Variants in SHROOM4 observed in about 807,000 individuals in gnomAD.
SHROOM4 encodes protein Shroom4.
In SHROOM4, 17 loss-of-function variants were observed where a neutral mutation model predicts 80.3. That is an observed-to-expected ratio of 0.21 (90% CI 0.14 to 0.32). The LOEUF (loss-of-function observed/expected upper bound fraction) is 0.32. Ranked by LOEUF, SHROOM4 falls within the 10% of genes least tolerant of loss-of-function variation. The pLI, the probability that SHROOM4 is intolerant of heterozygous loss-of-function variation, is 1.00. For missense variants in SHROOM4, 993 were observed against 1,140.3 expected (o/e 0.87, Z 1.86); for synonymous variants, 400 against 437.5 (o/e 0.91, Z 1.07).
intron 1 of SHROOM4, among the ~76,000 whole-genome samples, chrX:50,753,932 T>G (rs1041177118): frequency 1.8e-5 from 2 of 111,837 alleles, no homozygotes; most frequent in Non-Finnish European, 3.8e-5. Context: ...ACTTAAGCTC[T>G]CCAGGCCAAA....
In SHROOM4 at chrX:50,591,420, CT is replaced by C. The variant is rs1928872643; in HGVS notation, c.*5274del. 9.0e-6 allele frequency among the ~76,000 whole-genome samples: 1 copy of C among 111,477 alleles called. No homozygotes were observed. Among genetic ancestry groups the C allele is most frequent in the Non-Finnish European group, 1.9e-5 (1 of 53,127 alleles). Reference sequence around the variant, plus strand: ...ATGAATTTTAGAATCAGCTTGTAAACTTACACAAGGAAGCCACTGGAATTCT... The same window carrying C: ...ATGAATTTTAGAATCAGCTTGTAAACTACACAAGGAAGCCACTGGAATTCT... On this transcript the variant is annotated 3_prime_UTR_variant, in exon 9 of 9. Coordinates refer to ENST00000376020, the MANE Select transcript of SHROOM4 (RefSeq NM_020717.5).
At chrX:50,675,335 A>C (rs1932841510) in intron 2 of SHROOM4, among the ~76,000 whole-genome samples, 1 of 111,733 alleles carries the variant, frequency 8.9e-6, no homozygotes, top group Non-Finnish European at 1.9e-5. Context: ...CCCTGAACTT[A>C]CAATAAAAGT....
chrX:50,776,053 G>T (rs1935498436), intron 1 of SHROOM4, among the ~76,000 whole-genome samples: 1 of 111,720 alleles, frequency 9.0e-6, no homozygotes, highest in Admixed American at 9.5e-5. Flanking sequence ...TCCAGCCTTT[G>T]AGCCAGATGT....
intron 7 of SHROOM4, among the ~76,000 whole-genome samples, chrX:50,599,681 C>A (rs1161260703): frequency 9.0e-6 from 1 of 111,620 alleles, no homozygotes; most frequent in African/African-American, 3.3e-5. Flanking sequence ...TCCTGAGTAG[C>A]TTATGCAGTT....
intron 2 of SHROOM4, among the ~76,000 whole-genome samples, chrX:50,689,181 T>A: frequency 9.0e-6 from 1 of 111,626 alleles, no homozygotes; most frequent in Non-Finnish European, 1.9e-5. Flanking sequence ...AAAACCACTA[T>A]GTACCCCATA....
At chrX:50,781,381 G>A (rs1287559160) in intron 1 of SHROOM4, among the ~76,000 whole-genome samples, 1 of 110,390 alleles carries the variant, frequency 9.1e-6, no homozygotes, top group African/African-American at 3.3e-5. Flanking sequence ...ACAAATGTTG[G>A]AACCAGAAGT....
chrX:50,585,726 A>G (rs1928746565), downstream of SHROOM4, among the ~76,000 whole-genome samples: 3 of 111,619 alleles, frequency 2.7e-5, no homozygotes, highest in Admixed American at 9.5e-5. Flanking sequence ...ACAGAGTGAG[A>G]AGGGCAGAAC....
rs781895194 is a variant in SHROOM4, at chrX:50,632,416, T to C, written c.2895+762A>G. On this transcript the variant is annotated intron_variant, in intron 4 of 8. Transcript: ENST00000376020. ...CCAAAAGATGGCATCAGGGATGCCA[T>C]GGGGAAGTAATCTGGCAGTGAGTAG... 5.4e-5 allele frequency among the ~76,000 whole-genome samples: 6 copies of C among 111,791 alleles called. No homozygotes were observed. In the East Asian group the frequency reaches 1.1e-3, roughly 21 times the overall value.
chrX:50,735,210 C>T (rs1934458750), intron 1 of SHROOM4, among the ~76,000 whole-genome samples: 1 of 111,707 alleles, frequency 9.0e-6, no homozygotes, highest in Admixed American at 9.6e-5. Context: ...GACAAGGGTG[C>T]CAAGACAATT....
chrX:50,610,333 TTCTC>T (rs781880088), intron 5 of SHROOM4, among the ~76,000 whole-genome samples: 1 of 92,665 alleles, frequency 1.1e-5, no homozygotes, highest in African/African-American at 4.4e-5. Context: ...ACCTGGCATA[TTCTC>T]TCTCTCTCTC....
chrX:50,735,797 G>A (rs1934472368), intron 1 of SHROOM4, among the ~76,000 whole-genome samples: 1 of 111,146 alleles, frequency 9.0e-6, no homozygotes, highest in African/African-American at 3.3e-5. Flanking sequence ...CACGAGGTCA[G>A]GAGTTTGAGA....
At chrX:50,707,952 C>T (rs1041950776) in intron 1 of SHROOM4, among the ~76,000 whole-genome samples, 3 of 111,529 alleles carry the variant, frequency 2.7e-5, no homozygotes, top group African/African-American at 9.8e-5. Flanking sequence ...ACCCTGCAGG[C>T]CAACTTAAGG....
intron 5 of SHROOM4, among the ~76,000 whole-genome samples, chrX:50,622,934 G>GC (rs1557252257): frequency 8.9e-6 from 1 of 112,178 alleles, no homozygotes; most frequent in African/African-American, 3.2e-5. Flanking sequence ...AACTTAGCTT[G>GC]CGTCAGAATT....
At chrX:50,738,142 A>C (rs1372680296) in intron 1 of SHROOM4, among the ~76,000 whole-genome samples, 1 of 111,171 alleles carries the variant, frequency 9.0e-6, no homozygotes, top group Non-Finnish European at 1.9e-5. Flanking sequence ...TTCATGCTAA[A>C]AATTCTCAAT....
chrX:50,716,355 A>T (rs2147504475), intron 1 of SHROOM4, among the ~76,000 whole-genome samples: 1 of 111,879 alleles, frequency 8.9e-6, no homozygotes, highest in Non-Finnish European at 1.9e-5. Context: ...AAGTGTTCTC[A>T]CCACAAAAAT....
chrX:50,710,919 T>G (rs2147491907), intron 1 of SHROOM4, among the ~76,000 whole-genome samples: 1 of 111,122 alleles, frequency 9.0e-6, no homozygotes, highest in African/African-American at 3.3e-5. Context: ...CCCTTAGCCT[T>G]GATCTAAGTC....
chrX:50,769,780 C>T (rs1359241761), intron 1 of SHROOM4, among the ~76,000 whole-genome samples: 1 of 110,934 alleles, frequency 9.0e-6, no homozygotes, highest in East Asian at 2.8e-4. Flanking sequence ...TGTACAAGGC[C>T]CAGTGAGGAA....
intron 1 of SHROOM4, among the ~76,000 whole-genome samples, chrX:50,772,486 C>A (rs1443909445): frequency 9.0e-6 from 1 of 111,556 alleles, no homozygotes; most frequent in Non-Finnish European, 1.9e-5. Flanking sequence ...AAATCTCATT[C>A]TCTTATTTGA....
intron 2 of SHROOM4, among the ~76,000 whole-genome samples, chrX:50,644,714 C>T (rs1931756474): frequency 8.9e-6 from 1 of 112,330 alleles, no homozygotes; most frequent in Non-Finnish European, 1.9e-5. Context: ...GAAATCATGC[C>T]TGGAGGCCCC....
Sources: gnomAD v4.1 joint callset for allele counts (sites outside exome capture counted in the v4.1 genomes callset) on GRCh38, gnomAD v4.1.1 for gene constraint, MANE v1.5 for transcripts, NCBI Gene and HGNC (gene_info 2026-07-23, HGNC 2026-07-21) for gene names.